Variants in FAT3 observed in about 807,000 individuals in gnomAD.
FAT3 encodes FAT atypical cadherin 3, also known as protocadherin Fat 3.
FAT3 carries 95 observed loss-of-function variants against 310.2 expected under a neutral mutation model. That is an observed-to-expected ratio of 0.31 (90% CI 0.26 to 0.36). The LOEUF (loss-of-function observed/expected upper bound fraction) is 0.36. Ranked by LOEUF, FAT3 falls within the 10% of genes least tolerant of loss-of-function variation. The pLI is 1.00. For synonymous variants in FAT3, 2,314 were observed against 2,192.9 expected (o/e 1.06, Z -1.54); for missense variants, 5,408 against 5,715.6 (o/e 0.95, Z 1.74).
rs182752731 is a variant in FAT3, at chr11:92,813,548, C to T, written c.9481+3472C>T. Reference sequence around the variant, plus strand: ...ATCACACGCCTCCCACTTGCTGCCCCTTTGGAGCCACACCCACCCACTCCC... The same window carrying T: ...ATCACACGCCTCCCACTTGCTGCCCTTTTGGAGCCACACCCACCCACTCCC... On this transcript the variant is annotated intron_variant, in intron 13 of 27. Coordinates refer to ENST00000525166, the MANE Select transcript of FAT3 (RefSeq NM_001367949.2). 3.4e-3 allele frequency among the ~76,000 whole-genome samples: 518 copies of T among 152,288 alleles called. 2 individuals carry two copies. Among genetic ancestry groups the T allele is most frequent in the Middle Eastern group, 0.024 (7 of 292 alleles).
intron 1 of FAT3, among the ~76,000 whole-genome samples, chr11:92,333,159 A>T (rs1378811841): frequency 6.6e-6 from 1 of 152,230 alleles, no homozygotes; most frequent in Non-Finnish European, 1.5e-5. Flanking sequence ...CCAGATACTT[A>T]TAAGTCCTAC....
intron 4 of FAT3, among the ~76,000 whole-genome samples, chr11:92,710,564 CT>C (rs1205542711): frequency 1.3e-5 from 2 of 152,180 alleles, no homozygotes; most frequent in African/African-American, 4.8e-5. Context: ...TAGAGATGCG[CT>C]TGTTTGGTAT....
At chr11:92,827,198 G>A (rs140492840) in intron 13 of FAT3, among the ~76,000 whole-genome samples, 3 of 152,252 alleles carry the variant, frequency 2.0e-5, no homozygotes, top group East Asian at 1.9e-4. Flanking sequence ...GCATTTAACC[G>A]AATGGTATGA....
chr11:92,248,482 A>G (rs757191049), intron 1 of FAT3, among the ~76,000 whole-genome samples: 9 of 152,146 alleles, frequency 5.9e-5, no homozygotes, highest in South Asian at 2.1e-4. Flanking sequence ...TATAAATACC[A>G]TATCTGTATT....
chr11:92,233,169 C>T (rs1003662185), intron 1 of FAT3, among the ~76,000 whole-genome samples: 2 of 152,192 alleles, frequency 1.3e-5, no homozygotes, highest in African/African-American at 2.4e-5. Flanking sequence ...AAACATGGTT[C>T]AGTTAGTCCT....
intron 2 of FAT3, among the ~76,000 whole-genome samples, chr11:92,523,907 T>C (rs1250096617): frequency 6.6e-6 from 1 of 152,186 alleles, no homozygotes; most frequent in Non-Finnish European, 1.5e-5. Context: ...ACTGGGCATT[T>C]TGTGCTCCTA....
chr11:92,513,845 T>A (rs1194406801), intron 2 of FAT3, among the ~76,000 whole-genome samples: 1 of 152,140 alleles, frequency 6.6e-6, no homozygotes, highest in Non-Finnish European at 1.5e-5. Context: ...TACCATGTTA[T>A]AAACACATGA....
intron 13 of FAT3, among the ~76,000 whole-genome samples, chr11:92,821,350 T>G (rs1591778915): frequency 6.6e-6 from 1 of 152,214 alleles, no homozygotes; most frequent in East Asian, 1.9e-4. Context: ...TCTATTCTGA[T>G]TTCAGCCTGT....
chr11:92,252,750 G>A (rs755629334), intron 1 of FAT3, among the ~76,000 whole-genome samples: 2 of 152,008 alleles, frequency 1.3e-5, no homozygotes, highest in Non-Finnish European at 2.9e-5. Context: ...CAGAATCAGG[G>A]GAGCTCTAAA....
chr11:92,750,028 T>TA (rs1186048787), intron 4 of FAT3, among the ~76,000 whole-genome samples: 1 of 152,196 alleles, frequency 6.6e-6, no homozygotes, highest in African/African-American at 2.4e-5. Flanking sequence ...ATGACCAGCC[T>TA]ATGTAGATGA....
intron 2 of FAT3, among the ~76,000 whole-genome samples, chr11:92,378,536 A>T (rs1197482264): frequency 6.6e-6 from 1 of 152,154 alleles, no homozygotes; most frequent in African/African-American, 2.4e-5. Context: ...ATTATATACT[A>T]TTTTAACTAT....
At chr11:92,438,756 T>G (rs755464960) in intron 2 of FAT3, among the ~76,000 whole-genome samples, 1 of 152,186 alleles carries the variant, frequency 6.6e-6, no homozygotes, top group Non-Finnish European at 1.5e-5. Flanking sequence ...GAAGACCATG[T>G]TGTCTAATGT....
At chr11:92,325,269 T>C (rs1042351748) in intron 1 of FAT3, among the ~76,000 whole-genome samples, 3 of 152,220 alleles carry the variant, frequency 2.0e-5, no homozygotes, top group African/African-American at 4.8e-5. Context: ...AAACAGGGAA[T>C]ATATTCTGCT....
At chr11:92,888,977 C>G (rs1246823982) in intron 25 of FAT3, among the ~76,000 whole-genome samples, 1 of 152,110 alleles carries the variant, frequency 6.6e-6, no homozygotes, top group Non-Finnish European at 1.5e-5. Context: ...GATTTGCTGC[C>G]ATTTATCTTC....
In FAT3 at chr11:92,832,021, T is replaced by C; in HGVS notation, c.9871+10T>C. On this transcript the variant is annotated intron_variant, in intron 14 of 27. Coordinates refer to ENST00000525166, the MANE Select transcript of FAT3 (RefSeq NM_001367949.2). The stretch of plus-strand genomic sequence containing the variant: ...ATCAACCCCAAGACAGGTGGGTAAA[T>C]AGCACTGTACTTAGAATACAGAGCT... The C allele has an allele frequency of 6.5e-7, 1 of 1,531,046 alleles. No homozygotes were observed. Among genetic ancestry groups the C allele is most frequent in the Non-Finnish European group, 8.8e-7 (1 of 1,140,564 alleles). 94.8% of individuals were successfully genotyped at this position (1,531,046 alleles called of 1,614,324 possible).
intron 2 of FAT3, among the ~76,000 whole-genome samples, chr11:92,461,667 A>G (rs1241559986): frequency 6.6e-6 from 1 of 152,112 alleles, no homozygotes; most frequent in Non-Finnish European, 1.5e-5. Flanking sequence ...TTAAAAACAG[A>G]TTGGCTGGTG....
At chr11:92,512,019 T>A (rs1223070586) in intron 2 of FAT3, among the ~76,000 whole-genome samples, 1 of 152,142 alleles carries the variant, frequency 6.6e-6, no homozygotes, top group African/African-American at 2.4e-5. Flanking sequence ...CGTGGATAGA[T>A]CAGCAGCATA....
intron 3 of FAT3, among the ~76,000 whole-genome samples, chr11:92,548,001 G>A (rs903509756): frequency 6.6e-6 from 1 of 152,142 alleles, no homozygotes; most frequent in Admixed American, 6.5e-5. Context: ...GCCTTGGCTG[G>A]AATCTACAAG....
intron 2 of FAT3, among the ~76,000 whole-genome samples, chr11:92,392,672 C>T (rs1414233132): frequency 1.3e-5 from 2 of 152,184 alleles, no homozygotes; most frequent in African/African-American, 4.8e-5. Context: ...AAGGGACCAC[C>T]ACATCTGTCT....
Sources: gnomAD v4.1 joint callset for allele counts (sites outside exome capture counted in the v4.1 genomes callset) on GRCh38, gnomAD v4.1.1 for gene constraint, MANE v1.5 for transcripts, NCBI Gene and HGNC (gene_info 2026-07-23, HGNC 2026-07-21) for gene names.